The following FAT2 variants were observed in gnomAD, a reference collection of about 807,000 sequenced individuals.
The protein encoded by FAT2 is FAT atypical cadherin 2.
FAT2 carries 150 observed loss-of-function variants against 295.3 expected under a neutral mutation model. The ratio of observed to expected loss-of-function variants is 0.51; its 90% CI spans 0.44 to 0.58. The LOEUF (loss-of-function observed/expected upper bound fraction) is 0.58, where lower values mean the gene tolerates loss of function less well. Among genes scored for constraint, FAT2 ranks in the 20% least tolerant of loss-of-function variants. The pLI is 0.00. For synonymous variants in FAT2, 2,026 were observed against 2,150.3 expected, an observed-to-expected ratio of 0.94 and a Z score of 1.60; for missense variants, 4,868 against 5,442.7, an observed-to-expected ratio of 0.89 and a Z score of 3.32.
Position 151,565,657 on chromosome 5 carries a change from A to ACCCCCC in FAT2, c.3259+15_3259+16insGGGGGG. The ACCCCCC allele has an allele frequency of 9.6e-7, 1 of 1,038,298 alleles. No homozygotes were observed. Among genetic ancestry groups the ACCCCCC allele is most frequent in the East Asian group, 3.5e-5 (1 of 28,356 alleles). The allele number at this position is 1,038,298 out of a possible 1,614,324, so 64.3% of individuals were successfully genotyped here. On this transcript the variant is annotated intron_variant, in intron 2 of 23. Coordinates refer to ENST00000261800, the MANE Select transcript of FAT2 (RefSeq NM_001447.3). ...ACCTCTGGCCCTGGCACCCCACCCT[A>ACCCCCC]CCCCACCCCCAGTACCTGTATCTTG...
rs1326724360 is a variant in FAT2 at position 151,553,250 on chromosome 5, C to T, written c.4083G>A (p.Thr1361=). 10 of 1,614,088 alleles carry T rather than the reference C, an allele frequency of 6.2e-6. No individual in the cohort carries two copies. The highest frequency in any genetic ancestry group is 2.2e-5 in the East Asian group (1 of 44,900). The change falls in exon 6 of 24, where the codon ACG becomes ACA. Residue 1361 remains threonine, a synonymous_variant. Coordinates refer to ENST00000261800, the MANE Select transcript of FAT2 (RefSeq NM_001447.3). ...ETYYSFTVME[T]DPVNHMVGVI... ...CCCCCACCATGTGGTTCACAGGGTCCGTCTCCATGACCGTAAAGCTGTAGT... is the reference window on the plus strand; with the variant it reads ...CCCCCACCATGTGGTTCACAGGGTCTGTCTCCATGACCGTAAAGCTGTAGT...
rs545243103 is a variant in FAT2, at chr5:151,582,262, C to G, written c.-21+8903G>C. Among the ~76,000 whole-genome samples the G allele has an allele frequency of 1.6e-4, 25 of 152,328 alleles. 1 individual carries two copies. The highest frequency in any genetic ancestry group is 1.2e-3 in the Admixed American group (18 of 15,300). ...TCCCTGTGTTCAACATTCAAGCCCC[C>G]CTGGGTTCTGTCCACACACACCGAC... is the stretch of plus-strand genomic sequence containing the variant. On this transcript the variant is annotated intron_variant, in intron 1 of 23. Transcript: ENST00000261800.
At chr5:151,593,927 C>T (rs887130041), upstream of FAT2, among the ~76,000 whole-genome samples, 7 of 152,006 alleles carry the variant, frequency 4.6e-5, no homozygotes, top group Admixed American at 1.3e-4. Context: ...CGCTTGAACC[C>T]GGGAGGTGGA....
chr5:151,539,595 G>C (rs978348234), intron 11 of FAT2, among the ~76,000 whole-genome samples: 1 of 152,162 alleles, frequency 6.6e-6, no homozygotes, highest in Non-Finnish European at 1.5e-5. Context: ...TATATATACT[G>C]AATGGCTGGA....
chr5:151,580,010 A>G (rs1461499384), intron 1 of FAT2, among the ~76,000 whole-genome samples: 4 of 152,224 alleles, frequency 2.6e-5, no homozygotes, highest in Non-Finnish European at 4.4e-5. Flanking sequence ...CCTAGGGCAC[A>G]GTTTGAAGAC....
chr5:151,514,434 TCTTA>T lies in FAT2; in HGVS notation c.11464-1832_11464-1829del, dbSNP rs367616969. Among the ~76,000 whole-genome samples the T allele has an allele frequency of 5.1e-4, 78 of 152,320 alleles. No individual in the cohort carries two copies. In the East Asian group the frequency reaches 0.014, roughly 28 times the overall value. On this transcript the variant is annotated intron_variant, in intron 20 of 23. Transcript: ENST00000261800. ...TTCACATACTCTTGACCTATCTCTTTCTTACTTCGTAGAACTCTCTTGGTAAACC... is the reference window on the plus strand; with the variant it reads ...TTCACATACTCTTGACCTATCTCTTTCTTCGTAGAACTCTCTTGGTAAACC...
rs376862533 is a variant in FAT2, at chr5:151,531,593, G to A, written c.9805C>T (p.Arg3269Cys). 7.6e-5 allele frequency: 123 copies of A among 1,612,384 alleles called. 3 individuals carry two copies. Among genetic ancestry groups the A allele is most frequent in the East Asian group, 4.5e-4 (20 of 44,868 alleles). Reference sequence around the variant, plus strand: ...TGGTGGATCAGGCTCTCACCTGTGCGAGCATCCAGGCGGAACCTGCCTTGC... The same window carrying A: ...TGGTGGATCAGGCTCTCACCTGTGCAAGCATCCAGGCGGAACCTGCCTTGC... ...NEQGRFRLDA[R>C]TGILYVNASL... Residue 3269 changes from arginine (R) to cysteine (C), a missense_variant, in exon 14 of 24, where the codon CGC becomes TGC. This residue lies in a region of FAT2 where 1,046 missense variants were observed against 1,210.1 expected (regional missense o/e 0.86). Coordinates refer to ENST00000261800, the MANE Select transcript of FAT2 (RefSeq NM_001447.3). The surrounding 1 kb of genome is among the most constrained non-coding windows in gnomAD (Gnocchi z 5.7).
Position 151,566,859 on chromosome 5 carries a change from G to A in FAT2, c.2073C>T (p.Asn691=), listed in dbSNP as rs559588587. ...TGAATTCCTCATCACTGGACTCCTG[G>A]TTCTGAAGCCCAATAAAGTGGAGGA... is the stretch of plus-strand genomic sequence containing the variant. ...KTILHFIGLQ[N]QESSDEEFTS... Residue 691 remains asparagine (N), a synonymous_variant, in exon 2 of 24, where the codon AAC becomes AAT. Transcript: ENST00000261800. 6.2e-6 allele frequency: 10 copies of A among 1,614,154 alleles called. No individual in the cohort carries two copies. The Middle Eastern group carries it at 6.6e-4, about 107-fold the overall frequency.
intron 18 of FAT2, 99 bp from the exon 19 acceptor site, chr5:151,522,185 C>T: frequency 3.1e-6 from 3 of 963,498 alleles, no homozygotes; most frequent in South Asian, 1.9e-5. Context: ...TTCTCTGCCC[C>T]ACGCCCAACT....
intron 1 of FAT2, among the ~76,000 whole-genome samples, chr5:151,580,705 C>A (rs1758918785): frequency 6.6e-6 from 1 of 152,182 alleles, no homozygotes; most frequent in African/African-American, 2.4e-5. Flanking sequence ...CAGATGTGAT[C>A]TTCTTCAGAG....
rs1758512086 is a variant in FAT2 at position 151,571,277 on chromosome 5, T to C, written c.-20-2326A>G. Among the ~76,000 whole-genome samples, 8 of 152,104 alleles carry C rather than the reference T, an allele frequency of 5.3e-5. No individual in the cohort carries two copies. In the South Asian group the frequency reaches 1.7e-3, roughly 32 times the overall value. ...CCTGAGTCATTCAGCCCCCAACCCA[T>C]GCAGGATGGCATTGCTTTTGAAGTT... On this transcript the variant is annotated intron_variant, in intron 1 of 23. Transcript: ENST00000261800.
chr5:151,510,727 T>G (rs1761253514), intron 21 of FAT2: 1 of 152,354 alleles, frequency 6.6e-6, no homozygotes, highest in Admixed American at 6.5e-5. Flanking sequence ...GAGGCTAGCT[T>G]ACTCTAGGGA....
Position 151,582,507 on chromosome 5 carries a change from G to A in FAT2, c.-21+8658C>T, listed in dbSNP as rs116436762. On this transcript the variant is annotated intron_variant, in intron 1 of 23. Transcript: ENST00000261800. ...ACTGAATCAAAATCCTTAGGGGTGG[G>A]GCTCAGAAATAGATGTTCAACAAGT... 4.9e-3 allele frequency among the ~76,000 whole-genome samples: 739 copies of A among 152,250 alleles called. 3 individuals are homozygous for A. The highest frequency in any genetic ancestry group is 8.3e-3 in the Non-Finnish European group (563 of 68,020).
chr5:151,537,923 A>G lies in FAT2; in HGVS notation c.9063T>C (p.His3021=), dbSNP rs6898578. The G allele has an allele frequency of 7.0e-4, 1,133 of 1,614,208 alleles. 9 individuals carry two copies. The African/African-American group carries it at 0.014, about 20-fold the overall frequency. ...TGAAGTGTCCTGGAAATACATCTTC[A>G]TGAACCTTGCCAGTATAGAGAAGCT... is the stretch of plus-strand genomic sequence containing the variant. The part of the protein sequence containing the change: ...CSQLLYTGKV[H]EDVFPGHFIL... The change falls in exon 12 of 24, where the codon CAT becomes CAC. Residue 3021 remains histidine, a synonymous_variant. Coordinates refer to ENST00000261800, the MANE Select transcript of FAT2 (RefSeq NM_001447.3).
At chr5:151,550,909 C>T (rs374822304) in intron 7 of FAT2, 38 bp from the exon 8 acceptor site, 3 of 1,596,892 alleles carry the variant, frequency 1.9e-6, no homozygotes, top group Admixed American at 3.4e-5. Flanking sequence ...CACTGCAAGC[C>T]CCAGGGGAAC....
rs748568260 is a variant in FAT2 at position 151,534,458 on chromosome 5, G to T, written c.9378C>A (p.Thr3126=). Residue 3126 remains threonine (T), a synonymous_variant, in exon 13 of 24, where the codon ACC becomes ACA. Coordinates refer to ENST00000261800, the MANE Select transcript of FAT2 (RefSeq NM_001447.3). ...SHCAVAVFDN[T]TVKTPVAVVF... The stretch of plus-strand genomic sequence containing the variant: ...CTACAGCCACAGGGGTCTTCACTGT[G>T]GTGTTGTCGAAGACAGCCACAGCAC... The T allele has an allele frequency of 7.4e-6, 12 of 1,613,834 alleles. No homozygotes were observed. The South Asian group carries it at 1.3e-4, about 18-fold the overall frequency.
At chr5:151,519,301 G>C (rs1354408849) in intron 19 of FAT2, among the ~76,000 whole-genome samples, 1 of 152,220 alleles carries the variant, frequency 6.6e-6, no homozygotes, top group Non-Finnish European at 1.5e-5. Context: ...CCAAGATCGT[G>C]CCACTGCACT....
At chr5:151,524,093 T>C (rs1177507901) in intron 18 of FAT2, among the ~76,000 whole-genome samples, 1 of 152,078 alleles carries the variant, frequency 6.6e-6, no homozygotes, top group Non-Finnish European at 1.5e-5. Context: ...TTCTCACTGG[T>C]CTCCCTCACC....
intron 1 of FAT2, among the ~76,000 whole-genome samples, chr5:151,578,498 GA>G (rs1758826294): frequency 6.6e-6 from 1 of 152,136 alleles, no homozygotes; most frequent in African/African-American, 2.4e-5. Flanking sequence ...GGAGAAAAGG[GA>G]ACCATCAGAC....
Sources: gnomAD v4.1 joint callset for allele counts (sites outside exome capture counted in the v4.1 genomes callset) on GRCh38, gnomAD v4.1.1 for gene constraint, gnomAD v4.1.1 regional missense constraint, Gnocchi (gnomAD v3.1) non-coding constraint, MANE v1.5 for transcripts, NCBI Gene and HGNC (gene_info 2026-07-23, HGNC 2026-07-21) for gene names.